PPARGC1B: variants seen among roughly 807,000 people sequenced by gnomAD.
PPARGC1B encodes peroxisome proliferator-activated receptor gamma coactivator 1-beta.
Under a neutral mutation model 101.6 loss-of-function variants are expected in PPARGC1B, and 34 were observed. The ratio of observed to expected loss-of-function variants is 0.33; its 90% confidence interval spans 0.25 to 0.45. PPARGC1B has a LOEUF of 0.45. Ranked by LOEUF, PPARGC1B falls within the 20% of genes least tolerant of loss-of-function variation. The pLI is 1.00. For missense variants in PPARGC1B, 1,234 were observed against 1,317.6 expected, an observed-to-expected ratio of 0.94 and a Z score of 0.98; for synonymous variants, 548 against 539.3, an observed-to-expected ratio of 1.02 and a Z score of -0.22.
intron 1 of PPARGC1B, among the ~76,000 whole-genome samples, chr5:149,802,157 G>A (rs369311894): frequency 3.7e-4 from 56 of 152,290 alleles, no homozygotes; most frequent in African/African-American, 1.3e-3. Context: ...CTTCTGTCTG[G>A]TTGCTCCAGT....
At chr5:149,831,167 T>C (rs1212937883) in intron 4 of PPARGC1B, among the ~76,000 whole-genome samples, 2 of 152,214 alleles carry the variant, frequency 1.3e-5, no homozygotes, top group Non-Finnish European at 2.9e-5. Flanking sequence ...TTCAGAGGAC[T>C]GTATTCCAAC....
In PPARGC1B at chr5:149,847,704, T is replaced by TAAA; in HGVS notation, c.*158_*160dup. The stretch of plus-strand genomic sequence containing the variant: ...AGAGAGACTTGAAACTGCTGTCCTT[T>TAAA]AAAAAAAAAAAAAATCAATGTTTAC... On this transcript the variant is annotated 3_prime_UTR_variant, in exon 12 of 12. Coordinates refer to ENST00000309241, the MANE Select transcript of PPARGC1B (RefSeq NM_133263.4). 2 of 499,896 alleles carry TAAA rather than the reference T, an allele frequency of 4.0e-6. No homozygotes were observed. Among genetic ancestry groups the TAAA allele is most frequent in the Non-Finnish European group, 3.6e-6 (1 of 278,180 alleles). The allele number at this position is 499,896 out of a possible 1,614,324, so 31.0% of individuals were successfully genotyped here. A position where few individuals can be genotyped will look rare whatever the true frequency, so the allele number is the denominator to read the frequency against.
intron 1 of PPARGC1B, among the ~76,000 whole-genome samples, chr5:149,753,558 C>G (rs751601589): frequency 6.6e-6 from 1 of 152,096 alleles, no homozygotes; most frequent in Non-Finnish European, 1.5e-5. Flanking sequence ...TAACCTACCT[C>G]TTACACAGAA....
Position 149,833,456 on chromosome 5 carries a change from A to T in PPARGC1B, c.1383A>T (p.Pro461=), listed in dbSNP as rs141187835. ...WGRKRPGRGL[P]WTKLGRKLES... is the part of the protein sequence containing the mutation. ...GGAAAAGGCCAGGCCGAGGCCTGCC[A>T]TGGACGAAGCTGGGGAGGAAGCTGG... The change falls in exon 5 of 12, where the codon CCA becomes CCT. Residue 461 remains proline, a synonymous_variant. Transcript: ENST00000309241. This position sits in a 1 kb window ranked among gnomAD's most constrained non-coding sequence, Gnocchi z 4.1. 98 of 1,573,414 alleles carry T rather than the reference A, an allele frequency of 6.2e-5. 1 individual carries two copies. The African/African-American group carries it at 1.1e-3, about 18-fold the overall frequency.
intron 11 of PPARGC1B, 170 bp from the exon 12 acceptor site, chr5:149,847,288 G>T (rs1222854773): frequency 1.3e-6 from 1 of 746,116 alleles, no homozygotes; most frequent in East Asian, 2.6e-5. Flanking sequence ...AGATGTCCCA[G>T]CAGGATGGCA....
chr5:149,748,070 A>G (rs1755151519), intron 1 of PPARGC1B, among the ~76,000 whole-genome samples: 1 of 152,026 alleles, frequency 6.6e-6, no homozygotes, highest in South Asian at 2.1e-4. Context: ...ATTTTCAATG[A>G]TATGGTTGTG....
rs1399420260 is a variant in PPARGC1B, at chr5:149,778,010, C to A, written c.79-42423C>A. 9.9e-5 allele frequency among the ~76,000 whole-genome samples: 12 copies of A among 121,250 alleles called. 1 individual carries two copies. Among genetic ancestry groups the A allele is most frequent in the South Asian group, 6.4e-4 (2 of 3,112 alleles). The allele number at this position is 121,250 out of a possible 152,430, so 79.5% of individuals were successfully genotyped here. ...ATGTAGCAGTGCCCCCCTTCCCCCC[C>A]CCACAGACACACACACAGAGTACCC... On this transcript the variant is annotated intron_variant, in intron 1 of 11. Coordinates refer to ENST00000309241, the MANE Select transcript of PPARGC1B (RefSeq NM_133263.4).
At chr5:149,771,143 G>A (rs539021417) in intron 1 of PPARGC1B, among the ~76,000 whole-genome samples, 1 of 152,260 alleles carries the variant, frequency 6.6e-6, no homozygotes, top group African/African-American at 2.4e-5. Flanking sequence ...GCGTGTGGGG[G>A]GCCGTGTGCG....
intron 1 of PPARGC1B, among the ~76,000 whole-genome samples, chr5:149,747,062 G>A (rs1755119402): frequency 6.6e-6 from 1 of 152,038 alleles, no homozygotes; most frequent in Admixed American, 6.6e-5. Flanking sequence ...TTATTCTGTT[G>A]ATAGTGTCTT....
At chr5:149,804,236 G>T (rs553305848) in intron 1 of PPARGC1B, among the ~76,000 whole-genome samples, 1 of 152,156 alleles carries the variant, frequency 6.6e-6, no homozygotes, top group Non-Finnish European at 1.5e-5. Context: ...ACACCCTCCC[G>T]TCCTGCAAAG....
chr5:149,741,798 T>G (rs1284490805), intron 1 of PPARGC1B, among the ~76,000 whole-genome samples: 4 of 151,938 alleles, frequency 2.6e-5, no homozygotes, highest in Non-Finnish European at 5.9e-5. Flanking sequence ...TGGCTAATTT[T>G]TTTGTATTTT....
chr5:149,824,367 T>TTAATTCA (rs1246608016), intron 2 of PPARGC1B, among the ~76,000 whole-genome samples: 1 of 152,212 alleles, frequency 6.6e-6, no homozygotes. Context: ...CATTGTTTGG[T>TTAATTCA]TCATTCACTC....
chr5:149,750,841 C>T (rs933902862), intron 1 of PPARGC1B, among the ~76,000 whole-genome samples: 29 of 152,212 alleles, frequency 1.9e-4, no homozygotes, highest in African/African-American at 6.3e-4. Flanking sequence ...CAAGTACGCA[C>T]GATGGGTGCC....
chr5:149,773,356 T>G (rs556861733), intron 1 of PPARGC1B, among the ~76,000 whole-genome samples: 2 of 152,350 alleles, frequency 1.3e-5, no homozygotes, highest in South Asian at 4.1e-4. Context: ...TCTGCCATGT[T>G]TTGTGCAGCT....
Position 149,832,622 on chromosome 5 carries a change from C to G in PPARGC1B, c.583-34C>G, listed in dbSNP as rs1233620583. ...AGACACATGGGAGGAGTGTTTGGGC[C>G]TCCTTCCTCACTCTGGCCTCTCTCC... On this transcript the variant is annotated intron_variant, in intron 4 of 11. Transcript: ENST00000309241. This position sits in a 1 kb window ranked among gnomAD's most constrained non-coding sequence, Gnocchi z 4.9. 6.7e-7 allele frequency: 1 copy of G among 1,493,626 alleles called. No homozygotes were observed. The highest frequency in any genetic ancestry group is 9.0e-7 in the Non-Finnish European group (1 of 1,113,642). The allele number at this position is 1,493,626 out of a possible 1,614,324, so 92.5% of individuals were successfully genotyped here.
intron 1 of PPARGC1B, among the ~76,000 whole-genome samples, chr5:149,748,286 G>GAGATTAT (rs1755157235): frequency 6.7e-6 from 1 of 148,338 alleles, no homozygotes; most frequent in African/African-American, 2.5e-5. Flanking sequence ...ATGGGGTGAA[G>GAGATTAT]AGATATAGAT....
chr5:149,759,332 C>T (rs1220696509), intron 1 of PPARGC1B, among the ~76,000 whole-genome samples: 1 of 152,134 alleles, frequency 6.6e-6, no homozygotes, highest in Non-Finnish European at 1.5e-5. Context: ...TACTCATGAC[C>T]TCAGGCAAGT....
rs1759757242 is a variant in PPARGC1B at position 149,851,415 on chromosome 5, G to A, written c.*3857G>A. 2 of 152,194 alleles carry A rather than the reference G, an allele frequency of 1.3e-5. No individual in the cohort carries two copies. Among genetic ancestry groups the A allele is most frequent in the African/African-American group, 4.8e-5 (2 of 41,444 alleles). The allele number at this position is 152,194 out of a possible 1,614,324, so 9.4% of individuals were successfully genotyped here. Reference sequence around the variant, plus strand: ...GCTTAAGAGATGGCTCATCCTAACTGTGAAGCAAAATCAGCCCCAGAGGAT... The same window carrying A: ...GCTTAAGAGATGGCTCATCCTAACTATGAAGCAAAATCAGCCCCAGAGGAT... On this transcript the variant is annotated 3_prime_UTR_variant, in exon 12 of 12. Transcript: ENST00000309241.
intron 1 of PPARGC1B, among the ~76,000 whole-genome samples, chr5:149,758,622 G>T (rs182068880): frequency 1.2e-4 from 18 of 152,202 alleles, no homozygotes; most frequent in African/African-American, 4.3e-4. Context: ...TGGGAACAGG[G>T]TGTGGACAGG....
Sources: allele counts gnomAD v4.1 joint callset (sites outside exome capture counted in the v4.1 genomes callset), GRCh38; gene constraint gnomAD v4.1.1; non-coding constraint Gnocchi (gnomAD v3.1); transcripts MANE v1.5; gene names NCBI Gene and HGNC (gene_info 2026-07-23, HGNC 2026-07-21).